Variants in KIN observed in about 807,000 individuals in gnomAD.
The protein encoded by KIN is DNA/RNA-binding protein KIN17.
KIN carries 47 observed loss-of-function variants against 63.0 expected under a neutral mutation model. The observed-to-expected ratio is 0.75, with a 90% CI of 0.59 to 0.95. KIN has a LOEUF of 0.95. KIN is among the 40% of genes least tolerant of loss of function. The pLI is 0.00. For missense variants in KIN, 408 were observed against 460.9 expected (o/e 0.89, Z 1.05); for synonymous variants, 160 against 157.7 (o/e 1.01, Z -0.11).
intron 5 of KIN, among the ~76,000 whole-genome samples, chr10:7,777,903 CCA>C (rs1491308048): frequency 3.0e-5 from 4 of 131,246 alleles, no homozygotes; most frequent in East Asian, 2.1e-4. Context: ...CGTCCCCCCC[CCA>C]AAAAAAAAAA....
rs3736968 is a variant in KIN at position 7,766,123 on chromosome 10, T to C, written c.799-20A>G. 547,514 of 1,557,458 alleles carry C rather than the reference T, an allele frequency of 0.35. 98,357 individuals are homozygous for C. Among genetic ancestry groups the C allele is most frequent in the East Asian group, 0.48 (21,285 of 44,072 alleles). The stretch of plus-strand genomic sequence containing the variant: ...TTCAATCTGTAGAACACATAATGTC[T>C]TAAATTATCTCCCTAAAATCCTCAT... On this transcript the variant is annotated intron_variant, in intron 8 of 12. Transcript: ENST00000379562.
intron 2 of KIN, among the ~76,000 whole-genome samples, chr10:7,782,560 G>A (rs1253859082): frequency 1.3e-5 from 2 of 151,954 alleles, no homozygotes; most frequent in Admixed American, 1.3e-4. Context: ...CACCATGTCC[G>A]GCTAATTTTT....
Position 7,751,697 on chromosome 10 carries a change from A to G in KIN, c.*4383T>C, listed in dbSNP as rs533833290. Reference sequence around the variant, plus strand: ...CTTTTCCATTTCCTATTTCAAAAATAGAAAAATATTAAATATTAGAATGCT... The same window carrying G: ...CTTTTCCATTTCCTATTTCAAAAATGGAAAAATATTAAATATTAGAATGCT... On this transcript the variant is annotated 3_prime_UTR_variant, in exon 13 of 13. Transcript: ENST00000379562. The G allele has an allele frequency of 8.4e-4, 128 of 152,376 alleles. No homozygotes were observed. Among genetic ancestry groups the G allele is most frequent in the African/African-American group, 3.0e-3 (125 of 41,586 alleles). The allele number at this position is 152,376 out of a possible 1,614,324, so 9.4% of individuals were successfully genotyped here.
chr10:7,787,751 C>T, intron 1 of KIN, 69 bp downstream of exon 1: 1 of 1,236,564 alleles, frequency 8.1e-7, no homozygotes, highest in Non-Finnish European at 1.2e-6. Flanking sequence ...CTCAGCCCCG[C>T]GTCCAGGACC....
chr10:7,774,744 A>T, intron 7 of KIN, 87 bp downstream of exon 7: 1 of 1,084,258 alleles, frequency 9.2e-7, no homozygotes, highest in Non-Finnish European at 1.4e-6. Flanking sequence ...AACTAGAAAA[A>T]AATGATTCAC....
chr10:7,755,381 G>C lies in KIN; in HGVS notation c.*699C>G. On this transcript the variant is annotated 3_prime_UTR_variant, in exon 13 of 13. Coordinates refer to ENST00000379562, the MANE Select transcript of KIN (RefSeq NM_012311.4). Reference sequence around the variant, plus strand: ...CTTGAAAACATGATGCTAAGTGTAAGAAGCCAGTCATAAAAGATCACATAT... The same window carrying C: ...CTTGAAAACATGATGCTAAGTGTAACAAGCCAGTCATAAAAGATCACATAT... 1 of 152,196 alleles carries C rather than the reference G, an allele frequency of 6.6e-6. No individual in the cohort carries two copies. The highest frequency in any genetic ancestry group is 1.9e-4 in the East Asian group (1 of 5,202). The allele number at this position is 152,196 out of a possible 1,614,324, so 9.4% of individuals were successfully genotyped here.
chr10:7,777,296 C>G (rs1835799062), intron 5 of KIN, among the ~76,000 whole-genome samples: 1 of 149,866 alleles, frequency 6.7e-6, no homozygotes, highest in Non-Finnish European at 1.5e-5. Flanking sequence ...AATGAATAAT[C>G]AATCGTGGTA....
At position 7,774,698 on chromosome 10, in the gene KIN, C is replaced by T. The variant is rs556599904; in HGVS notation, c.668+133G>A. On this transcript the variant is annotated intron_variant, in intron 7 of 12. Transcript: ENST00000379562. Reference sequence around the variant, plus strand: ...AAAAGAACAATTGCTAAAAAAACAACGCAACCAATAAAAACCAAAAACAGG... The same window carrying T: ...AAAAGAACAATTGCTAAAAAAACAATGCAACCAATAAAAACCAAAAACAGG... 2.4e-4 allele frequency: 168 copies of T among 687,066 alleles called. 2 individuals carry two copies. The highest frequency in any genetic ancestry group is 1.9e-3 in the South Asian group (98 of 51,434). 42.6% of individuals were successfully genotyped at this position (687,066 alleles called of 1,614,324 possible). A position where few individuals can be genotyped will look rare whatever the true frequency, so the allele number is the denominator to read the frequency against.
intron 1 of KIN, among the ~76,000 whole-genome samples, chr10:7,786,194 C>T (rs1379292308): frequency 1.3e-5 from 2 of 151,968 alleles, no homozygotes; most frequent in African/African-American, 2.4e-5. Flanking sequence ...TGCTTTTGAT[C>T]GAATCTTGAT....
rs116906480 is a variant in KIN, at chr10:7,755,676, A to G, written c.*404T>C. 106 of 153,736 alleles carry G rather than the reference A, an allele frequency of 6.9e-4. No individual in the cohort carries two copies. Among genetic ancestry groups the G allele is most frequent in the Non-Finnish European group, 1.3e-3 (90 of 69,056 alleles). The allele number at this position is 153,736 out of a possible 1,614,324, so 9.5% of individuals were successfully genotyped here. The stretch of plus-strand genomic sequence containing the variant: ...TTATTACCACAATAAAGCTGCTTCT[A>G]TATTTATAGTTTGACATTTAAAATT... On this transcript the variant is annotated 3_prime_UTR_variant, in exon 13 of 13. Coordinates refer to ENST00000379562, the MANE Select transcript of KIN (RefSeq NM_012311.4).
rs2130977784 is a variant in KIN at position 7,754,533 on chromosome 10, T to TGA, written c.*1545_*1546dup. ...CTGTAGTCCCAGCTACTCAGGAGGC[T>TGA]GAGGCAGGAGAATGGCTTGAACCCG... On this transcript the variant is annotated 3_prime_UTR_variant, in exon 13 of 13. Coordinates refer to ENST00000379562, the MANE Select transcript of KIN (RefSeq NM_012311.4). The TGA allele has an allele frequency of 6.6e-6, 1 of 152,418 alleles. No homozygotes were observed. Among genetic ancestry groups the TGA allele is most frequent in the South Asian group, 2.0e-4 (1 of 4,982 alleles). The allele number at this position is 152,418 out of a possible 1,614,324, so 9.4% of individuals were successfully genotyped here.
rs1185600354 is a variant in KIN, at chr10:7,751,953, T to G, written c.*4127A>C. 5.4e-3 allele frequency: 17 copies of G among 3,162 alleles called. 6 individuals carry two copies. Among genetic ancestry groups the G allele is most frequent in the South Asian group, 0.03 (6 of 202 alleles). The allele number at this position is 3,162 out of a possible 1,614,324, so 0.2% of individuals were successfully genotyped here. On this transcript the variant is annotated 3_prime_UTR_variant, in exon 13 of 13. Coordinates refer to ENST00000379562, the MANE Select transcript of KIN (RefSeq NM_012311.4). ...GGGAGGCTGAGGCAGGAGAATGGCG[T>G]GAACCCGGGAAGCGGAGCTTGCAGT...
At chr10:7,766,275 A>G in intron 8 of KIN, 172 bp from the exon 9 acceptor site, 1 of 485,342 alleles carries the variant, frequency 2.1e-6, no homozygotes, top group Non-Finnish European at 3.6e-6. Context: ...ACTTGTCATT[A>G]GTTTTTGATT....
chr10:7,784,137 A>T (rs2131036157), intron 1 of KIN, among the ~76,000 whole-genome samples: 1 of 152,356 alleles, frequency 6.6e-6, no homozygotes, highest in East Asian at 1.9e-4. Context: ...AAAATGAACA[A>T]ACAATACAGT....
chr10:7,770,603 G>T (rs955440897), intron 7 of KIN, among the ~76,000 whole-genome samples: 1 of 152,140 alleles, frequency 6.6e-6, no homozygotes, highest in African/African-American at 2.4e-5. Context: ...ATTTTTTCCT[G>T]CAAAGTAGCA....
intron 1 of KIN, among the ~76,000 whole-genome samples, chr10:7,784,448 A>C (rs1369021371): frequency 6.6e-6 from 1 of 152,120 alleles, no homozygotes; most frequent in Non-Finnish European, 1.5e-5. Flanking sequence ...TTAGCCAGGC[A>C]TGGGTGGTAT....
At chr10:7,763,448 G>A (rs1212353884) in intron 10 of KIN, among the ~76,000 whole-genome samples, 1 of 152,120 alleles carries the variant, frequency 6.6e-6, no homozygotes, top group African/African-American at 2.4e-5. Flanking sequence ...TGACAAGCAA[G>A]GCATGCATGC....
intron 10 of KIN, among the ~76,000 whole-genome samples, chr10:7,763,072 T>G (rs1835468312): frequency 6.6e-6 from 1 of 151,870 alleles, no homozygotes; most frequent in Non-Finnish European, 1.5e-5. Context: ...CCCAGCCAAC[T>G]TGGTGAAACC....
chr10:7,783,561 G>A (rs1835940267), intron 1 of KIN, among the ~76,000 whole-genome samples: 1 of 152,124 alleles, frequency 6.6e-6, no homozygotes, highest in African/African-American at 2.4e-5. Context: ...GGTCATTAGT[G>A]AATTTTCACC....
Sources: gnomAD v4.1 joint callset for allele counts (sites outside exome capture counted in the v4.1 genomes callset) on GRCh38, gnomAD v4.1.1 for gene constraint, MANE v1.5 for transcripts, NCBI Gene and HGNC (gene_info 2026-07-23, HGNC 2026-07-21) for gene names.